DLGAP2: variants seen among roughly 807,000 people sequenced by gnomAD.
The protein encoded by DLGAP2 is DLG associated protein 2.
Under a neutral mutation model 100.3 loss-of-function variants are expected in DLGAP2, and 26 were observed. That is an observed-to-expected ratio of 0.26 (90% CI 0.19 to 0.36). The LOEUF (loss-of-function observed/expected upper bound fraction) is 0.36. Ranked by LOEUF, DLGAP2 falls within the 10% of genes least tolerant of loss-of-function variation. The pLI is 1.00. For missense variants in DLGAP2, 1,858 were observed against 1,453.2 expected, an observed-to-expected ratio of 1.28 and a Z score of -4.53; for synonymous variants, 886 against 630.1, an observed-to-expected ratio of 1.41 and a Z score of -6.08.
intron 2 of DLGAP2, among the ~76,000 whole-genome samples, chr8:1,138,920 C>A (rs1047329747): frequency 1.7e-4 from 26 of 152,130 alleles, no homozygotes; most frequent in African/African-American, 5.8e-4. Context: ...TGTTTATTTA[C>A]TTGTCCTGGC....
chr8:1,548,677 C>G lies in DLGAP2; in HGVS notation c.224C>G (p.Ser75Trp), dbSNP rs1278208729. 3 of 1,599,698 alleles carry G rather than the reference C, an allele frequency of 1.9e-6. No homozygotes were observed. Among genetic ancestry groups the G allele is most frequent in the South Asian group, 1.1e-5 (1 of 89,148 alleles). The change falls in exon 5 of 15, where the codon TCG (serine) becomes TGG (tryptophan). Residue 75 changes from serine to tryptophan, a missense_variant. Ser to Trp is a radical substitution (Grantham distance 177, BLOSUM62 -3). Transcript: ENST00000637795. Reference sequence around the variant, plus strand: ...CAGCACTTCAATGAGGAGCGCTACTCGCCCGCGCCCAGGAGCATGAAGGGC... The same window carrying G: ...CAGCACTTCAATGAGGAGCGCTACTGGCCCGCGCCCAGGAGCATGAAGGGC... Reference protein sequence around the residue: ...PTQHFNEERYSPAPRSMKGLS... With the variant: ...PTQHFNEERYWPAPRSMKGLS...
At chr8:880,563 G>A (rs1158864934) in intron 1 of DLGAP2, among the ~76,000 whole-genome samples, 4 of 148,236 alleles carry the variant, frequency 2.7e-5, no homozygotes, top group East Asian at 2.0e-4. Context: ...CATGGCATCC[G>A]TGCTGGGGAG....
chr8:1,180,478 G>A (rs1797358087), intron 2 of DLGAP2, among the ~76,000 whole-genome samples: 1 of 152,250 alleles, frequency 6.6e-6, no homozygotes, highest in South Asian at 2.1e-4. Flanking sequence ...TCAGGCAGGA[G>A]CCACCGTGCC....
rs77237682 is a variant in DLGAP2, at chr8:1,618,153, A to C, written c.1443-8587A>C. Among the ~76,000 whole-genome samples, 304 of 152,284 alleles carry C rather than the reference A, an allele frequency of 2.0e-3. 11 individuals are homozygous for C. The East Asian group carries it at 0.05, about 25-fold the overall frequency. On this transcript the variant is annotated intron_variant, in intron 6 of 14. Coordinates refer to ENST00000637795, the MANE Select transcript of DLGAP2 (RefSeq NM_001346810.2). ...AAAAGCACGAAATTTAAAAGGAAGGAGCTCCTTCCATGTTTAGGTTCCAGG... is the reference window on the plus strand; with the variant it reads ...AAAAGCACGAAATTTAAAAGGAAGGCGCTCCTTCCATGTTTAGGTTCCAGG...
intron 3 of DLGAP2, among the ~76,000 whole-genome samples, chr8:1,366,293 G>C (rs1802107040): frequency 2.0e-5 from 3 of 152,178 alleles, no homozygotes; most frequent in South Asian, 4.1e-4. Flanking sequence ...CAGTGCTAAG[G>C]ACTGGAGATA....
Position 1,644,358 on chromosome 8 carries a change from G to A in DLGAP2, c.1810+11312G>A, listed in dbSNP as rs560111398. Among the ~76,000 whole-genome samples, 5 of 152,306 alleles carry A rather than the reference G, an allele frequency of 3.3e-5. No homozygotes were observed. The East Asian group carries it at 5.8e-4, about 18-fold the overall frequency. ...GTGGGGTTGCAAACCCCAGTGACCC[G>A]GCCCCACCAGACGGCCCAGCTGCCC... is the stretch of plus-strand genomic sequence containing the variant. On this transcript the variant is annotated intron_variant, in intron 8 of 14. Coordinates refer to ENST00000637795, the MANE Select transcript of DLGAP2 (RefSeq NM_001346810.2).
chr8:883,582 G>A (rs13280240), intron 1 of DLGAP2, among the ~76,000 whole-genome samples: 68,910 of 151,024 alleles, frequency 0.46, 16,403 homozygotes, highest in Non-Finnish European at 0.53. Context: ...CGCGTGTGCC[G>A]CGGCGGTTCG....
At chr8:1,074,889 T>G (rs573455325) in intron 2 of DLGAP2, among the ~76,000 whole-genome samples, 1 of 152,332 alleles carries the variant, frequency 6.6e-6, no homozygotes, top group South Asian at 2.1e-4. Flanking sequence ...GGGTCCTGCA[T>G]GGGGTCAACC....
intron 2 of DLGAP2, among the ~76,000 whole-genome samples, chr8:933,540 ATGAGGGGAGGGTGAGGG>A (rs1563101804): frequency 2.8e-4 from 30 of 106,014 alleles, no homozygotes; most frequent in Middle Eastern, 7.8e-3. Context: ...GGCCGTGGGC[ATGAGGGGAGGGTGAGGG>A]CAGAGCCTGC....
At chr8:1,685,987 A>G (rs1309041717) in intron 12 of DLGAP2, among the ~76,000 whole-genome samples, 1 of 152,230 alleles carries the variant, frequency 6.6e-6, no homozygotes, top group Non-Finnish European at 1.5e-5. Flanking sequence ...TGGAATATGA[A>G]GTAGCCACTA....
At chr8:1,299,266 C>T (rs1330790003) in intron 3 of DLGAP2, among the ~76,000 whole-genome samples, 1 of 152,236 alleles carries the variant, frequency 6.6e-6, no homozygotes, top group Non-Finnish European at 1.5e-5. Context: ...CAGAGGCCCC[C>T]ACCCGAGGCC....
chr8:1,606,768 C>T (rs964965429), intron 6 of DLGAP2, among the ~76,000 whole-genome samples: 6 of 152,158 alleles, frequency 3.9e-5, no homozygotes, highest in African/African-American at 9.7e-5. Flanking sequence ...CTACAACCTC[C>T]GCCCCCTGAG....
At chr8:1,039,757 C>CGGCTCGGTGTGTGTGGTT (rs1802261303) in intron 2 of DLGAP2, among the ~76,000 whole-genome samples, 1 of 139,044 alleles carries the variant, frequency 7.2e-6, no homozygotes. Flanking sequence ...TTTCTGTAGT[C>CGGCTCGGTGTGTGTGGTT]GGCTCGGTGT....
chr8:1,490,298 A>T (rs972433890), intron 3 of DLGAP2, among the ~76,000 whole-genome samples: 1 of 152,252 alleles, frequency 6.6e-6, no homozygotes, highest in African/African-American at 2.4e-5. Context: ...TGCTCCTGCC[A>T]CATCGAAGCA....
chr8:1,209,682 C>T (rs1354559747), intron 2 of DLGAP2, among the ~76,000 whole-genome samples: 1 of 152,140 alleles, frequency 6.6e-6, no homozygotes, highest in African/African-American at 2.4e-5. Context: ...CTTAGAATGT[C>T]TGAACGTGTT....
At chr8:1,525,140 G>A (rs940303252) in intron 4 of DLGAP2, among the ~76,000 whole-genome samples, 3 of 149,278 alleles carry the variant, frequency 2.0e-5, no homozygotes, top group African/African-American at 4.9e-5. Context: ...TAGGTCTCCT[G>A]AGGCAACAAC....
chr8:1,415,689 C>A (rs1219702352), intron 3 of DLGAP2, among the ~76,000 whole-genome samples: 8 of 152,226 alleles, frequency 5.3e-5, no homozygotes, highest in Non-Finnish European at 1.2e-4. Context: ...ATAGGTAGCA[C>A]TGTCTCTTTA....
At chr8:1,271,393 C>T (rs1397367953) in intron 3 of DLGAP2, among the ~76,000 whole-genome samples, 2 of 152,152 alleles carry the variant, frequency 1.3e-5, no homozygotes, top group Non-Finnish European at 2.9e-5. Flanking sequence ...ATAGTGACTT[C>T]TGTTTTACTT....
intron 1 of DLGAP2, among the ~76,000 whole-genome samples, chr8:881,948 C>G (rs1797807103): frequency 6.6e-6 from 1 of 152,178 alleles, no homozygotes; most frequent in Non-Finnish European, 1.5e-5. Flanking sequence ...TCCAGGATAT[C>G]TGAGTCCCCT....
Sources: gnomAD v4.1 joint callset for allele counts (sites outside exome capture counted in the v4.1 genomes callset) on GRCh38, gnomAD v4.1.1 for gene constraint, MANE v1.5 for transcripts, NCBI Gene and HGNC (gene_info 2026-07-23, HGNC 2026-07-21) for gene names.